The following VPS37A variants were observed in gnomAD, a reference collection of about 807,000 sequenced individuals.
The protein encoded by VPS37A is VPS37A subunit of ESCRT-I, also known as vacuolar protein sorting-associated protein 37A.
In VPS37A, 30 loss-of-function variants were observed where a neutral mutation model predicts 49.8. The ratio of observed to expected loss-of-function variants is 0.60; its 90% CI spans 0.45 to 0.82. The LOEUF is 0.82. Ranked by LOEUF, VPS37A falls within the 40% of genes least tolerant of loss-of-function variation. The pLI is 0.00. For missense variants in VPS37A, 593 were observed against 464.4 expected (o/e 1.28, Z -2.55); for synonymous variants, 195 against 160.6 (o/e 1.21, Z -1.62).
chr8:17,317,093 T>G, the VPS37A span, among the ~76,000 whole-genome samples: 1 of 152,248 alleles, frequency 6.6e-6, no homozygotes, highest in Non-Finnish European at 1.5e-5. Flanking sequence ...TCTCTGAATG[T>G]TGTTTTCCAG....
chr8:17,274,250 A>G (rs1410380389), intron 4 of VPS37A, among the ~76,000 whole-genome samples: 1 of 152,240 alleles, frequency 6.6e-6, no homozygotes, highest in Non-Finnish European at 1.5e-5. Flanking sequence ...ACATTTTAGA[A>G]GCTCATCTGC....
chr8:17,280,510 A>G (rs912819159), intron 9 of VPS37A, 67 bp downstream of exon 9: 2 of 1,399,478 alleles, frequency 1.4e-6, no homozygotes, highest in African/African-American at 2.9e-5. Flanking sequence ...ATGAGTCCTG[A>G]TCTCACTTTC....
At chr8:17,276,303 T>A (rs781747321) in intron 5 of VPS37A, 94 bp from the exon 6 acceptor site, 1 of 918,198 alleles carries the variant, frequency 1.1e-6, no homozygotes, top group African/African-American at 1.7e-5. Flanking sequence ...CAAACAGTTA[T>A]GGGATATAGT....
intron 2 of VPS37A, among the ~76,000 whole-genome samples, chr8:17,267,640 T>C (rs956001349): frequency 1.3e-5 from 2 of 152,230 alleles, no homozygotes; most frequent in African/African-American, 4.8e-5. Context: ...TTATCCTCTT[T>C]AGAAATACAG....
chr8:17,330,190 G>A, the VPS37A span, among the ~76,000 whole-genome samples: 1 of 152,226 alleles, frequency 6.6e-6, no homozygotes, highest in African/African-American at 2.4e-5. Flanking sequence ...ATTAAACGAA[G>A]AACGGCTTAA....
the VPS37A span, among the ~76,000 whole-genome samples, chr8:17,307,566 G>T: frequency 6.6e-6 from 1 of 152,080 alleles, no homozygotes; most frequent in African/African-American, 2.4e-5. Flanking sequence ...AAATCATGCT[G>T]CTATAAAGAC....
the VPS37A span, among the ~76,000 whole-genome samples, chr8:17,310,564 C>T: frequency 1.3e-5 from 2 of 152,264 alleles, no homozygotes; most frequent in Admixed American, 1.3e-4. Flanking sequence ...GCAAATGAAG[C>T]AATCCAGCCC....
In VPS37A at chr8:17,295,856, C is replaced by T. The variant is rs1816586398; in HGVS notation, c.*870C>T. 6.6e-6 allele frequency: 1 copy of T among 152,120 alleles called. No homozygotes were observed. Among genetic ancestry groups the T allele is most frequent in the East Asian group, 1.9e-4 (1 of 5,178 alleles). The allele number at this position is 152,120 out of a possible 1,614,324, so 9.4% of individuals were successfully genotyped here. A position where few individuals can be genotyped will look rare whatever the true frequency, so the allele number is the denominator to read the frequency against. On this transcript the variant is annotated 3_prime_UTR_variant, in exon 12 of 12. Transcript: ENST00000324849. ...GAGTTACCTTTTCCTAAGAGGAAAG[C>T]TATAGTAATAAGTAAAATTTAATTT...
intron 11 of VPS37A, among the ~76,000 whole-genome samples, chr8:17,289,997 G>GT (rs1158845306): frequency 1.3e-5 from 2 of 151,476 alleles, no homozygotes; most frequent in African/African-American, 4.8e-5. Context: ...TGATTTGGCT[G>GT]TTTGTCTATT....
intron 2 of VPS37A, 46 bp downstream of exon 2, chr8:17,266,027 G>GTTTTTTTA (rs1563253677): frequency 4.6e-6 from 7 of 1,516,504 alleles, no homozygotes; most frequent in Non-Finnish European, 6.3e-6. Flanking sequence ...GGACTTAACA[G>GTTTTTTTA]TTTTTTTATT....
chr8:17,274,579 T>C (rs1814327052), intron 4 of VPS37A, among the ~76,000 whole-genome samples, 154 bp from the exon 5 acceptor site: 1 of 152,196 alleles, frequency 6.6e-6, no homozygotes, highest in Non-Finnish European at 1.5e-5. Context: ...TTATATAATA[T>C]TTAATTCCAT....
At chr8:17,269,766 C>T (rs1387606210) in intron 4 of VPS37A, among the ~76,000 whole-genome samples, 1 of 152,146 alleles carries the variant, frequency 6.6e-6, no homozygotes, top group Non-Finnish European at 1.5e-5. Flanking sequence ...CTTTCTCAGG[C>T]CATTTCCTAG....
the VPS37A span, among the ~76,000 whole-genome samples, chr8:17,319,982 G>C: frequency 2.0e-5 from 3 of 152,140 alleles, no homozygotes; most frequent in Non-Finnish European, 2.9e-5. Flanking sequence ...TAGATATGCT[G>C]TAAGTGTAAA....
intron 1 of VPS37A, among the ~76,000 whole-genome samples, chr8:17,255,081 C>T (rs1400697704): frequency 6.6e-6 from 1 of 152,230 alleles, no homozygotes; most frequent in Non-Finnish European, 1.5e-5. Context: ...CCATATTCAT[C>T]TCTGTATTTC....
At chr8:17,267,747 G>T (rs1813602957) in intron 2 of VPS37A, among the ~76,000 whole-genome samples, 1 of 152,130 alleles carries the variant, frequency 6.6e-6, no homozygotes, top group South Asian at 2.1e-4. Context: ...GGCTGGACTT[G>T]AACTCCTGGG....
chr8:17,302,107 C>T (rs1202707609), downstream of VPS37A: 1 of 1,612,662 alleles, frequency 6.2e-7, no homozygotes, highest in East Asian at 2.2e-5. Context: ...CCTTGCTCTT[C>T]AAGAAATAAG....
intron 2 of VPS37A, among the ~76,000 whole-genome samples, chr8:17,266,532 T>A (rs184360533): frequency 1.2e-4 from 19 of 152,314 alleles, no homozygotes; most frequent in African/African-American, 4.3e-4. Flanking sequence ...TAAATGCAGC[T>A]ATGAGGCTGT....
chr8:17,278,978 C>T (rs1433430541), intron 6 of VPS37A, among the ~76,000 whole-genome samples: 1 of 152,072 alleles, frequency 6.6e-6, no homozygotes, highest in African/African-American at 2.4e-5. Context: ...CCACCTAGTT[C>T]TTTCACCCTA....
intron 1 of VPS37A, among the ~76,000 whole-genome samples, chr8:17,259,232 G>A (rs1215758754): frequency 1.3e-5 from 2 of 151,732 alleles, no homozygotes; most frequent in Non-Finnish European, 2.9e-5. Flanking sequence ...TTTCTTCTTT[G>A]TATCACTTTT....
Sources: gnomAD v4.1 joint callset for allele counts (sites outside exome capture counted in the v4.1 genomes callset) on GRCh38, gnomAD v4.1.1 for gene constraint, MANE v1.5 for transcripts, NCBI Gene and HGNC (gene_info 2026-07-23, HGNC 2026-07-21) for gene names.